METTL15: variants seen among roughly 807,000 people sequenced by gnomAD.
The protein encoded by METTL15 is methyltransferase 15, mitochondrial 12S rRNA N4-cytidine.
METTL15 carries 34 observed loss-of-function variants against 38.3 expected under a neutral mutation model. That is an observed-to-expected ratio of 0.89 (90% CI 0.68 to 1.18). The LOEUF is 1.18. METTL15 is among the 50% of genes most tolerant of loss of function. The probability of loss-of-function intolerance (pLI) is 0.00; values close to 1 mark genes in which losing one functional copy is unlikely to be tolerated. For synonymous variants in METTL15, 162 were observed against 170.9 expected (o/e 0.95, Z 0.41); for missense variants, 438 against 498.4 (o/e 0.88, Z 1.15).
intron 4 of METTL15, among the ~76,000 whole-genome samples, chr11:28,263,092 G>A (rs1855275031): frequency 1.3e-5 from 2 of 151,824 alleles, no homozygotes; most frequent in Non-Finnish European, 2.9e-5. Context: ...CTCTTGGTCA[G>A]TATATTTTTT....
intron 6 of METTL15, among the ~76,000 whole-genome samples, chr11:28,462,475 C>T (rs554932299): frequency 1.5e-4 from 18 of 121,762 alleles, no homozygotes; most frequent in South Asian, 5.9e-4. Flanking sequence ...CAAGCATACA[C>T]GCTTACACAC....
rs1222578068 is a variant in METTL15, at chr11:28,376,641, A to T, written c.*358+14605A>T. Among the ~76,000 whole-genome samples, 4 of 151,758 alleles carry T rather than the reference A, an allele frequency of 2.6e-5. 1 individual carries two copies. Among genetic ancestry groups the T allele is most frequent in the Non-Finnish European group, 5.9e-5 (4 of 67,992 alleles). On this transcript the variant is annotated intron_variant and NMD_transcript_variant, in intron 5 of 7. Transcript: ENST00000532947. Reference sequence around the variant, plus strand: ...TTGCCAGTCTGTGTCTTTTAATTGGAGCATTTAGTCAATTTACATTTAAAG... The same window carrying T: ...TTGCCAGTCTGTGTCTTTTAATTGGTGCATTTAGTCAATTTACATTTAAAG...
intron 5 of METTL15, among the ~76,000 whole-genome samples, chr11:28,400,915 T>C (rs1202981314): frequency 6.6e-6 from 1 of 151,984 alleles, no homozygotes; most frequent in African/African-American, 2.4e-5. Context: ...CTTATTTATC[T>C]TGTTAATCAC....
chr11:28,427,186 T>C (rs1346255350), intron 6 of METTL15, among the ~76,000 whole-genome samples: 1 of 152,352 alleles, frequency 6.6e-6, no homozygotes, highest in South Asian at 2.1e-4. Flanking sequence ...ATTTATTAAA[T>C]AGGGAATTAT....
intron 6 of METTL15, among the ~76,000 whole-genome samples, chr11:28,460,969 A>C (rs1045900799): frequency 6.6e-6 from 1 of 152,100 alleles, no homozygotes; most frequent in Non-Finnish European, 1.5e-5. Flanking sequence ...AGATAGAATT[A>C]TTATGTGCTT....
intron 3 of METTL15, among the ~76,000 whole-genome samples, chr11:28,171,756 G>T (rs1346546637): frequency 2.7e-5 from 4 of 148,762 alleles, no homozygotes; most frequent in African/African-American, 4.9e-5. Context: ...TCAAATCTTT[G>T]TTTCCCCTGC....
chr11:28,250,151 T>G (rs183935372), intron 4 of METTL15, among the ~76,000 whole-genome samples: 1 of 152,206 alleles, frequency 6.6e-6, no homozygotes, highest in East Asian at 1.9e-4. Flanking sequence ...TGATTCTATG[T>G]CTTTGCTATT....
intron 6 of METTL15, among the ~76,000 whole-genome samples, chr11:28,491,999 A>G (rs1220858871): frequency 6.6e-6 from 1 of 152,072 alleles, no homozygotes; most frequent in East Asian, 1.9e-4. Flanking sequence ...CCCTGTTTGC[A>G]TTGTATAAGG....
At chr11:28,502,108 A>G (rs1278919820) in intron 6 of METTL15, among the ~76,000 whole-genome samples, 6 of 151,604 alleles carry the variant, frequency 4.0e-5, no homozygotes, top group Non-Finnish European at 5.9e-5. Flanking sequence ...CTCAAAAAAA[A>G]AAAAAAGAAA....
At chr11:28,170,269 A>T (rs1850809635) in intron 3 of METTL15, among the ~76,000 whole-genome samples, 1 of 152,130 alleles carries the variant, frequency 6.6e-6, no homozygotes, top group Non-Finnish European at 1.5e-5. Flanking sequence ...TGTGCCTGGT[A>T]ACCTAGCACC....
At chr11:28,378,761 G>GTTTTTTT (rs61227879) in intron 5 of METTL15, among the ~76,000 whole-genome samples, 7 of 123,912 alleles carry the variant, frequency 5.6e-5, no homozygotes, top group Admixed American at 8.4e-5. Flanking sequence ...CTCCTCTTCA[G>GTTTTTTT]TTTTTTTTTT....
chr11:28,478,608 T>A (rs1472642095), intron 6 of METTL15, among the ~76,000 whole-genome samples: 2 of 152,310 alleles, frequency 1.3e-5, no homozygotes, highest in East Asian at 1.9e-4. Context: ...CTTTTGATGC[T>A]TGGGATGCCT....
intron 3 of METTL15, among the ~76,000 whole-genome samples, chr11:28,151,106 A>G (rs868185872): frequency 3.3e-5 from 5 of 151,792 alleles, no homozygotes; most frequent in Admixed American, 6.6e-5. Context: ...TTGTTTTCAC[A>G]TGATAAATAT....
At chr11:28,327,989 T>TA (rs1164524529) in intron 6 of METTL15, 6 of 1,223,132 alleles carry the variant, frequency 4.9e-6, no homozygotes, top group African/African-American at 3.2e-5. Context: ...AAGAAATTTT[T>TA]AAAAAAATTA....
At chr11:28,375,452 A>C (rs530361361) in intron 5 of METTL15, among the ~76,000 whole-genome samples, 2 of 151,724 alleles carry the variant, frequency 1.3e-5, no homozygotes, top group African/African-American at 4.8e-5. Context: ...GTTTATTTGC[A>C]TAGAGGTGTT....
chr11:28,120,268 T>A (rs1426776059), intron 3 of METTL15, among the ~76,000 whole-genome samples: 2 of 151,108 alleles, frequency 1.3e-5, no homozygotes, highest in Admixed American at 1.3e-4. Flanking sequence ...TTTTTTTTTC[T>A]TCTTAAGAAA....
At chr11:28,291,444 C>A (rs1159103184) in intron 5 of METTL15, among the ~76,000 whole-genome samples, 2 of 152,130 alleles carry the variant, frequency 1.3e-5, no homozygotes, top group East Asian at 3.9e-4. Flanking sequence ...ACAGCCTATA[C>A]CTGTAAAACT....
chr11:28,159,989 G>A (rs1397912878), intron 3 of METTL15, among the ~76,000 whole-genome samples: 1 of 152,036 alleles, frequency 6.6e-6, no homozygotes, highest in Non-Finnish European at 1.5e-5. Flanking sequence ...TAGCATTTGA[G>A]TCGGTGAGCT....
intron 3 of METTL15, among the ~76,000 whole-genome samples, chr11:28,185,291 C>A (rs906475013): frequency 1.3e-5 from 2 of 151,398 alleles, no homozygotes; most frequent in Non-Finnish European, 3.0e-5. Flanking sequence ...AGCTAGAGTA[C>A]AGATTTTTTT....
Sources: allele counts gnomAD v4.1 joint callset (sites outside exome capture counted in the v4.1 genomes callset), GRCh38; gene constraint gnomAD v4.1.1; transcripts MANE v1.5; gene names NCBI Gene and HGNC (gene_info 2026-07-23, HGNC 2026-07-21).